The following DLGAP2 variants were observed in gnomAD, a reference collection of about 807,000 sequenced individuals.
DLGAP2 encodes disks large-associated protein 2.
DLGAP2 carries 26 observed loss-of-function variants against 100.3 expected under a neutral mutation model. The ratio of observed to expected loss-of-function variants is 0.26; its 90% CI spans 0.19 to 0.36. The LOEUF (loss-of-function observed/expected upper bound fraction) is 0.36. Ranked by LOEUF, DLGAP2 falls within the 10% of genes least tolerant of loss-of-function variation. The pLI is 1.00. For synonymous variants in DLGAP2, 886 were observed against 630.1 expected, an observed-to-expected ratio of 1.41 and a Z score of -6.08; for missense variants, 1,858 against 1,453.2, an observed-to-expected ratio of 1.28 and a Z score of -4.53.
At chr8:1,466,060 C>A (rs575213061) in intron 3 of DLGAP2, among the ~76,000 whole-genome samples, 14 of 152,256 alleles carry the variant, frequency 9.2e-5, no homozygotes, top group South Asian at 4.1e-4. Flanking sequence ...TCCATCGTGA[C>A]AGCGCCGTCT....
At chr8:891,204 GA>G in intron 1 of DLGAP2, 1 of 152,604 alleles carries the variant, frequency 6.6e-6, no homozygotes, top group Non-Finnish European at 1.5e-5. Flanking sequence ...GGCTGAAGGT[GA>G]AAGGCGACAA....
intron 3 of DLGAP2, among the ~76,000 whole-genome samples, chr8:1,412,628 G>A (rs1415022577): frequency 2.0e-5 from 3 of 152,176 alleles, no homozygotes; most frequent in African/African-American, 7.2e-5. Context: ...CTGAGAAATG[G>A]TGATAGCAAT....
At chr8:1,330,876 T>C (rs1460653714) in intron 3 of DLGAP2, among the ~76,000 whole-genome samples, 137 of 100,804 alleles carry the variant, frequency 1.4e-3, no homozygotes, top group Middle Eastern at 0.015. Flanking sequence ...GGTGGGAGCA[T>C]CGCTTCACGG....
chr8:1,009,727 G>T (rs148286594), intron 2 of DLGAP2, among the ~76,000 whole-genome samples: 1 of 152,232 alleles, frequency 6.6e-6, no homozygotes, highest in African/African-American at 2.4e-5. Flanking sequence ...CACCTGCTGC[G>T]TGTGTAGAGT....
At chr8:1,043,082 G>A (rs1056000291) in intron 2 of DLGAP2, among the ~76,000 whole-genome samples, 2 of 149,266 alleles carry the variant, frequency 1.3e-5, no homozygotes, top group African/African-American at 4.9e-5. Flanking sequence ...GGTGGATGTG[G>A]GAGGTGGATG....
At chr8:741,103 T>G (rs937442059) in intron 1 of DLGAP2, among the ~76,000 whole-genome samples, 15 of 152,248 alleles carry the variant, frequency 9.9e-5, no homozygotes, top group African/African-American at 3.1e-4. Context: ...GCCACTAACT[T>G]CTTCAATATG....
chr8:1,087,590 A>G (rs1278931276), intron 2 of DLGAP2, among the ~76,000 whole-genome samples: 1 of 144,996 alleles, frequency 6.9e-6, no homozygotes, highest in African/African-American at 2.6e-5. Context: ...TGCCATCTTC[A>G]TCTTCTAGGC....
chr8:1,151,106 A>C (rs1796689289), intron 2 of DLGAP2, among the ~76,000 whole-genome samples: 1 of 152,150 alleles, frequency 6.6e-6, no homozygotes, highest in Non-Finnish European at 1.5e-5. Context: ...ATTTTTTCAG[A>C]TGATCATCGG....
At chr8:1,316,898 G>A (rs1396468217) in intron 3 of DLGAP2, among the ~76,000 whole-genome samples, 4 of 109,018 alleles carry the variant, frequency 3.7e-5, no homozygotes, top group Middle Eastern at 0.016. Context: ...AAAATAGAGC[G>A]TGTGCGAGTG....
chr8:1,700,851 G>A (rs1439249707), intron 14 of DLGAP2, among the ~76,000 whole-genome samples: 1 of 152,246 alleles, frequency 6.6e-6, no homozygotes, highest in Non-Finnish European at 1.5e-5. Context: ...GCTTTGGGAA[G>A]CGCAGGAATC....
At chr8:1,046,286 G>A (rs1266848252) in intron 2 of DLGAP2, among the ~76,000 whole-genome samples, 1 of 152,188 alleles carries the variant, frequency 6.6e-6, no homozygotes, top group Non-Finnish European at 1.5e-5. Flanking sequence ...TGCTCTGCCA[G>A]TTTGGGATCA....
intron 2 of DLGAP2, among the ~76,000 whole-genome samples, chr8:949,373 A>C (rs916275846): frequency 6.6e-6 from 1 of 152,194 alleles, no homozygotes; most frequent in Non-Finnish European, 1.5e-5. Flanking sequence ...AGCTGTAGAC[A>C]GTGTTTAGAG....
chr8:1,491,595 A>G (rs1799391109), intron 3 of DLGAP2, among the ~76,000 whole-genome samples: 1 of 152,258 alleles, frequency 6.6e-6, no homozygotes, highest in Non-Finnish European at 1.5e-5. Flanking sequence ...TTTATTAAGT[A>G]TAGATGGTAG....
At chr8:774,421 C>T (rs1821453129) in intron 1 of DLGAP2, among the ~76,000 whole-genome samples, 1 of 152,170 alleles carries the variant, frequency 6.6e-6, no homozygotes, top group African/African-American at 2.4e-5. Flanking sequence ...GAAGTCCTTG[C>T]CTATGCCTAT....
intron 2 of DLGAP2, among the ~76,000 whole-genome samples, chr8:950,512 C>T (rs1374959244): frequency 1.3e-5 from 2 of 152,112 alleles, no homozygotes; most frequent in Non-Finnish European, 2.9e-5. Flanking sequence ...TAAAATACAG[C>T]ACAGTTAGTA....
intron 1 of DLGAP2, chr8:739,634 C>G (rs1256567654): frequency 6.6e-6 from 1 of 152,194 alleles, no homozygotes; most frequent in Admixed American, 6.5e-5. Context: ...AGTTGTTACT[C>G]TGGGTTTAAA....
intron 4 of DLGAP2, among the ~76,000 whole-genome samples, chr8:1,519,482 C>A (rs9314433): frequency 0.24 from 35,813 of 152,098 alleles, 5,324 homozygotes; most frequent in African/African-American, 0.42. Flanking sequence ...TGATAAAGCT[C>A]TCTTTTCAAG....
chr8:1,033,334 C>T (rs1434684286), intron 2 of DLGAP2, among the ~76,000 whole-genome samples: 1 of 152,258 alleles, frequency 6.6e-6, no homozygotes, highest in East Asian at 1.9e-4. Flanking sequence ...ATCTCTGTCT[C>T]AAGAAGGGAG....
At chr8:1,198,695 C>T (rs1264137847) in intron 2 of DLGAP2, among the ~76,000 whole-genome samples, 2 of 152,130 alleles carry the variant, frequency 1.3e-5, no homozygotes, top group African/African-American at 2.4e-5. Context: ...GTCAGGCAGG[C>T]CCCTCATGTC....
Sources: allele counts gnomAD v4.1 joint callset (sites outside exome capture counted in the v4.1 genomes callset), GRCh38; gene constraint gnomAD v4.1.1; transcripts MANE v1.5; gene names NCBI Gene and HGNC (gene_info 2026-07-23, HGNC 2026-07-21).